Variants in ACYP2 observed in about 807,000 individuals in gnomAD.
The protein encoded by ACYP2 is acylphosphatase 2, also known as acylphosphatase-2.
Under a neutral mutation model 11.2 loss-of-function variants are expected in ACYP2, and 12 were observed. That is an observed-to-expected ratio of 1.08 (90% confidence interval 0.69 to 1.74). The LOEUF (loss-of-function observed/expected upper bound fraction) is 1.74. Among genes scored for constraint, ACYP2 ranks in the 40% most tolerant of loss-of-function variants. The pLI, the probability that ACYP2 is intolerant of heterozygous loss-of-function variation, is 0.00. For missense variants in ACYP2, 134 were observed against 101.9 expected (o/e 1.31, Z -1.35); for synonymous variants, 43 against 32.2 (o/e 1.33, Z -1.13).
intron 6 of ACYP2, among the ~76,000 whole-genome samples, chr2:54,165,314 T>C (rs1682903048): frequency 6.6e-6 from 1 of 152,200 alleles, no homozygotes; most frequent in Non-Finnish European, 1.5e-5. Flanking sequence ...TCTGCCTTAT[T>C]TCCTGCAATC....
chr2:54,007,429 A>G (rs544412793), intron 2 of ACYP2, among the ~76,000 whole-genome samples: 3 of 151,868 alleles, frequency 2.0e-5, no homozygotes, highest in South Asian at 2.1e-4. Flanking sequence ...AATTTTTTGT[A>G]TTTTTAGCAG....
At chr2:53,986,551 G>A (rs1454636633) in intron 2 of ACYP2, among the ~76,000 whole-genome samples, 1 of 151,808 alleles carries the variant, frequency 6.6e-6, no homozygotes, top group Non-Finnish European at 1.5e-5. Context: ...TGGCCAGGCT[G>A]GTCTGGAACT....
At chr2:54,132,579 TA>T (rs1214304270) in intron 4 of ACYP2, among the ~76,000 whole-genome samples, 1 of 152,204 alleles carries the variant, frequency 6.6e-6, no homozygotes, top group Non-Finnish European at 1.5e-5. Flanking sequence ...TGTATCCTCT[TA>T]ACCAGGCTTA....
At chr2:54,017,138 C>G (rs999204703) in intron 2 of ACYP2, among the ~76,000 whole-genome samples, 14 of 152,090 alleles carry the variant, frequency 9.2e-5, no homozygotes, top group African/African-American at 3.1e-4. Context: ...GCAAATGGAC[C>G]CACTCCCTCA....
chr2:54,104,210 C>G (rs1226670393), intron 4 of ACYP2, among the ~76,000 whole-genome samples: 1 of 152,062 alleles, frequency 6.6e-6, no homozygotes, highest in Non-Finnish European at 1.5e-5. Flanking sequence ...TGGTGTGGGA[C>G]AAGAGTACAT....
intron 4 of ACYP2, among the ~76,000 whole-genome samples, chr2:54,129,694 A>G (rs952715683): frequency 6.0e-5 from 9 of 149,938 alleles, no homozygotes; most frequent in Non-Finnish European, 8.9e-5. Context: ...GTCATTATAT[A>G]TTATCACTGT....
At chr2:54,054,015 G>C (rs1407384395) in intron 3 of ACYP2, among the ~76,000 whole-genome samples, 1 of 152,192 alleles carries the variant, frequency 6.6e-6, no homozygotes, top group Non-Finnish European at 1.5e-5. Flanking sequence ...CTGGGTAGAG[G>C]ATGGAATTGG....
chr2:54,224,428 G>A (rs1394841321), intron 6 of ACYP2, among the ~76,000 whole-genome samples: 1 of 152,234 alleles, frequency 6.6e-6, no homozygotes, highest in Non-Finnish European at 1.5e-5. Context: ...TGTGCAGCCA[G>A]GCATGGGGCC....
At chr2:54,291,935 A>G (rs1415394579) in intron 6 of ACYP2, among the ~76,000 whole-genome samples, 1 of 152,220 alleles carries the variant, frequency 6.6e-6, no homozygotes, top group Non-Finnish European at 1.5e-5. Context: ...CTATAGGGGT[A>G]TGCACTGGTG....
At chr2:54,132,931 A>G (rs530229886) in intron 4 of ACYP2, among the ~76,000 whole-genome samples, 24 of 152,092 alleles carry the variant, frequency 1.6e-4, no homozygotes, top group Admixed American at 9.2e-4. Context: ...TTTTCTTGAG[A>G]TGGGATTTCA....
At chr2:54,268,423 G>T (rs1285747906) in intron 6 of ACYP2, among the ~76,000 whole-genome samples, 1 of 151,960 alleles carries the variant, frequency 6.6e-6, no homozygotes, top group Non-Finnish European at 1.5e-5. Context: ...CATATTCAAG[G>T]TGTCTTTTAA....
chr2:54,155,623 G>A (rs1250532893), intron 6 of ACYP2, among the ~76,000 whole-genome samples: 5 of 152,142 alleles, frequency 3.3e-5, no homozygotes, highest in Non-Finnish European at 4.4e-5. Flanking sequence ...GATCTGAGGT[G>A]GAACAGTTTC....
At chr2:54,296,055 A>C (rs1236012424) in intron 6 of ACYP2, among the ~76,000 whole-genome samples, 4 of 152,190 alleles carry the variant, frequency 2.6e-5, no homozygotes, top group East Asian at 3.8e-4. Context: ...CACAGCACCC[A>C]GCCTGATCCT....
intron 6 of ACYP2, among the ~76,000 whole-genome samples, chr2:54,284,527 C>T (rs1370358316): frequency 3.9e-5 from 6 of 152,142 alleles, no homozygotes; most frequent in Non-Finnish European, 8.8e-5. Context: ...TCTTGTGACT[C>T]AGTTTTACCC....
At chr2:54,115,331 G>A in intron 4 of ACYP2, 2 of 496,020 alleles carry the variant, frequency 4.0e-6, no homozygotes, top group Non-Finnish European at 7.0e-6. Context: ...TAAAGCTGGG[G>A]GAAGCCACTC....
chr2:54,222,035 A>G (rs77791715), intron 6 of ACYP2, among the ~76,000 whole-genome samples: 4,233 of 152,240 alleles, frequency 0.028, 193 homozygotes, highest in African/African-American at 0.095. Context: ...CAGTCAACAC[A>G]TATTTATTGA....
At chr2:54,224,234 G>A (rs1685912485) in intron 6 of ACYP2, among the ~76,000 whole-genome samples, 1 of 152,232 alleles carries the variant, frequency 6.6e-6, no homozygotes, top group African/African-American at 2.4e-5. Flanking sequence ...CAGTTTTCCT[G>A]TGGTATAGCT....
chr2:54,276,616 C>T (rs1458800462), intron 6 of ACYP2, among the ~76,000 whole-genome samples: 4 of 122,730 alleles, frequency 3.3e-5, no homozygotes, highest in African/African-American at 6.3e-5. Context: ...TCAGATTGTT[C>T]TTTCACACAC....
intron 4 of ACYP2, among the ~76,000 whole-genome samples, chr2:54,101,895 A>G (rs1678915579): frequency 1.3e-5 from 2 of 152,212 alleles, no homozygotes; most frequent in Non-Finnish European, 2.9e-5. Context: ...AGTGTGATAC[A>G]TTTGTAGTTA....
Sources: gnomAD v4.1 joint callset for allele counts (sites outside exome capture counted in the v4.1 genomes callset) on GRCh38, gnomAD v4.1.1 for gene constraint, MANE v1.5 for transcripts, NCBI Gene and HGNC (gene_info 2026-07-23, HGNC 2026-07-21) for gene names.